Variants in GMDS observed in about 807,000 individuals in gnomAD.
The protein encoded by GMDS is GDP-mannose 4,6-dehydratase.
In GMDS, 20 loss-of-function variants were observed where a neutral mutation model predicts 49.9. That is an observed-to-expected ratio of 0.40 (90% CI 0.28 to 0.58). The LOEUF is 0.58. GMDS is among the 20% of genes least tolerant of loss of function. The probability of loss-of-function intolerance (pLI) is 0.42; values close to 1 mark genes in which losing one functional copy is unlikely to be tolerated. For missense variants in GMDS, 362 were observed against 481.4 expected (o/e 0.75, Z 2.32); for synonymous variants, 177 against 178.6 (o/e 0.99, Z 0.07).
intron 7 of GMDS, among the ~76,000 whole-genome samples, chr6:1,799,975 A>T (rs182285862): frequency 3.8e-4 from 58 of 152,092 alleles, no homozygotes; most frequent in Admixed American, 9.8e-4. Flanking sequence ...TCTTTTTTTA[A>T]AAAAAATTAA....
At chr6:2,232,288 G>A (rs1781144727) in intron 1 of GMDS, among the ~76,000 whole-genome samples, 1 of 152,064 alleles carries the variant, frequency 6.6e-6, no homozygotes, top group Admixed American at 6.6e-5. Flanking sequence ...CACTCCATGA[G>A]CTACTGACAT....
At chr6:1,792,504 G>A (rs1002544182) in intron 7 of GMDS, among the ~76,000 whole-genome samples, 2 of 152,094 alleles carry the variant, frequency 1.3e-5, no homozygotes, top group Non-Finnish European at 1.5e-5. Context: ...GTCATCCTGA[G>A]AATTCCCTTC....
intron 8 of GMDS, among the ~76,000 whole-genome samples, chr6:1,731,923 C>T (rs1482525041): frequency 6.6e-6 from 1 of 152,158 alleles, no homozygotes; most frequent in Non-Finnish European, 1.5e-5. Context: ...GTGATTTGCA[C>T]AGCTGGAGCA....
intron 1 of GMDS, among the ~76,000 whole-genome samples, chr6:2,192,936 T>C (rs1257728054): frequency 1.3e-5 from 2 of 152,118 alleles, no homozygotes; most frequent in Non-Finnish European, 2.9e-5. Context: ...ACCAGAAAAA[T>C]GACACCCCAA....
intron 7 of GMDS, among the ~76,000 whole-genome samples, chr6:1,905,400 G>T (rs1045814544): frequency 5.6e-5 from 8 of 143,952 alleles, no homozygotes; most frequent in Non-Finnish European, 9.1e-5. Flanking sequence ...GCGTGTAGGT[G>T]GGACCTCAAA....
At chr6:1,894,637 A>T (rs1760059203) in intron 7 of GMDS, among the ~76,000 whole-genome samples, 1 of 152,200 alleles carries the variant, frequency 6.6e-6, no homozygotes, top group East Asian at 1.9e-4. Flanking sequence ...TAATTTCCAC[A>T]ATCAGATATC....
intron 9 of GMDS, among the ~76,000 whole-genome samples, chr6:1,661,688 C>G (rs1764079153): frequency 6.6e-6 from 1 of 152,242 alleles, no homozygotes; most frequent in Admixed American, 6.5e-5. Context: ...TCTTCCTCAA[C>G]CACGTTCCAA....
chr6:2,209,133 A>C (rs973406708), intron 1 of GMDS, among the ~76,000 whole-genome samples: 50 of 152,232 alleles, frequency 3.3e-4, no homozygotes, highest in African/African-American at 1.2e-3. Flanking sequence ...TGACTCCATA[A>C]TCAGACTTCT....
intron 8 of GMDS, among the ~76,000 whole-genome samples, chr6:1,732,373 A>G (rs1766845581): frequency 6.6e-6 from 1 of 152,194 alleles, no homozygotes; most frequent in South Asian, 2.1e-4. Context: ...CATGTGGTTT[A>G]CTGGAATGCA....
intron 4 of GMDS, among the ~76,000 whole-genome samples, chr6:2,080,105 A>AAT (rs1175194821): frequency 6.6e-6 from 1 of 152,124 alleles, no homozygotes; most frequent in Non-Finnish European, 1.5e-5. Flanking sequence ...ACTATTGTTG[A>AAT]ATCTAACATT....
chr6:2,130,481 C>A (rs916620448), intron 1 of GMDS, among the ~76,000 whole-genome samples: 1 of 152,236 alleles, frequency 6.6e-6, no homozygotes, highest in Non-Finnish European at 1.5e-5. Context: ...CCCTTCCCTC[C>A]TTTCAAGGGC....
intron 7 of GMDS, among the ~76,000 whole-genome samples, chr6:1,835,283 T>C (rs1465590606): frequency 5.9e-5 from 9 of 152,112 alleles, no homozygotes; most frequent in Admixed American, 1.3e-4. Flanking sequence ...GGAGGTGGCT[T>C]ATGCTGCTGC....
chr6:2,185,026 A>C (rs1338298649), intron 1 of GMDS, among the ~76,000 whole-genome samples: 1 of 152,216 alleles, frequency 6.6e-6, no homozygotes, highest in African/African-American at 2.4e-5. Flanking sequence ...CCCTGCACTC[A>C]CAGGGCTCAC....
At chr6:2,167,791 A>AGACTTCCATT (rs1400837177) in intron 1 of GMDS, among the ~76,000 whole-genome samples, 2 of 152,268 alleles carry the variant, frequency 1.3e-5, no homozygotes, top group East Asian at 3.9e-4. Context: ...CAAGTTACAC[A>AGACTTCCATT]GACTTCCATT....
At chr6:2,204,118 T>C (rs1469179409) in intron 1 of GMDS, among the ~76,000 whole-genome samples, 1 of 152,202 alleles carries the variant, frequency 6.6e-6, no homozygotes, top group Non-Finnish European at 1.5e-5. Context: ...AGGGTTAAGA[T>C]TCACACCATT....
intron 1 of GMDS, among the ~76,000 whole-genome samples, chr6:2,161,305 G>A (rs547926576): frequency 6.4e-4 from 98 of 152,204 alleles, no homozygotes; most frequent in African/African-American, 2.2e-3. Flanking sequence ...CACCACACCC[G>A]GCCTATATGC....
chr6:1,983,508 A>G (rs2127349959), intron 4 of GMDS, among the ~76,000 whole-genome samples: 1 of 152,308 alleles, frequency 6.6e-6, no homozygotes, highest in East Asian at 1.9e-4. Flanking sequence ...TCCATCATCC[A>G]TTAGGAACTT....
At chr6:1,661,097 C>A (rs1381757857) in intron 9 of GMDS, among the ~76,000 whole-genome samples, 1 of 152,230 alleles carries the variant, frequency 6.6e-6, no homozygotes, top group East Asian at 1.9e-4. Flanking sequence ...ACAACGAACA[C>A]CATTTGCAGC....
At chr6:1,949,272 C>T (rs898976810) in intron 6 of GMDS, among the ~76,000 whole-genome samples, 14 of 152,194 alleles carry the variant, frequency 9.2e-5, no homozygotes, top group African/African-American at 3.4e-4. Context: ...TTATTAACCT[C>T]TCCATGTGCA....
Sources: allele counts gnomAD v4.1 joint callset (sites outside exome capture counted in the v4.1 genomes callset), GRCh38; gene constraint gnomAD v4.1.1; transcripts MANE v1.5; gene names NCBI Gene and HGNC (gene_info 2026-07-23, HGNC 2026-07-21).